Variants in PRUNE2 observed in about 807,000 individuals in gnomAD.
PRUNE2 encodes the protein protein prune homolog 2.
PRUNE2 carries 164 observed loss-of-function variants against 252.0 expected under a neutral mutation model. That is an observed-to-expected ratio of 0.65 (90% CI 0.57 to 0.74). The LOEUF is 0.74. Ranked by LOEUF, PRUNE2 falls within the 30% of genes least tolerant of loss-of-function variation. The probability of loss-of-function intolerance (pLI) is 0.00; values close to 1 mark genes in which losing one functional copy is unlikely to be tolerated. For missense variants in PRUNE2, 3,495 were observed against 3,711.0 expected, an observed-to-expected ratio of 0.94 and a Z score of 1.51; for synonymous variants, 1,292 against 1,350.2, an observed-to-expected ratio of 0.96 and a Z score of 0.94.
At chr9:76,881,209 A>T (rs575431615) in intron 1 of PRUNE2, among the ~76,000 whole-genome samples, 3 of 151,842 alleles carry the variant, frequency 2.0e-5, no homozygotes, top group Non-Finnish European at 2.9e-5. Context: ...CTCGTGATCC[A>T]CCCGCCTTGG....
chr9:76,686,454 ATTTTTG>A (rs994939286), intron 9 of PRUNE2, among the ~76,000 whole-genome samples: 3 of 151,944 alleles, frequency 2.0e-5, no homozygotes, highest in Non-Finnish European at 4.4e-5. Flanking sequence ...TTTTGTTTTT[ATTTTTG>A]TTTTTATTTT....
At chr9:76,638,335 A>G (rs1180588690) in intron 12 of PRUNE2, 47 bp from the exon 13 acceptor site, 3 of 1,297,266 alleles carry the variant, frequency 2.3e-6, no homozygotes, top group African/African-American at 1.5e-5. Context: ...AAAGCTCTTA[A>G]CAAGGTAATA....
intron 9 of PRUNE2, among the ~76,000 whole-genome samples, chr9:76,669,621 C>T (rs768026196): frequency 2.0e-5 from 3 of 152,154 alleles, no homozygotes; most frequent in African/African-American, 7.2e-5. Context: ...TGCCCAGCCT[C>T]GAATGTTGTT....
At chr9:76,746,992 C>G (rs1274517002) in intron 6 of PRUNE2, among the ~76,000 whole-genome samples, 1 of 152,168 alleles carries the variant, frequency 6.6e-6, no homozygotes, top group Non-Finnish European at 1.5e-5. Flanking sequence ...TCATGGGAAC[C>G]CCAATTTATG....
At chr9:76,760,235 T>C (rs1298471065) in intron 6 of PRUNE2, among the ~76,000 whole-genome samples, 1 of 152,146 alleles carries the variant, frequency 6.6e-6, no homozygotes, top group Non-Finnish European at 1.5e-5. Flanking sequence ...TCCGTATATG[T>C]TTCTGAATGA....
intron 4 of PRUNE2, among the ~76,000 whole-genome samples, chr9:76,833,147 T>A (rs2058757319): frequency 1.3e-5 from 2 of 152,156 alleles, no homozygotes; most frequent in Admixed American, 1.3e-4. Context: ...TTTTATGAAT[T>A]TTATGAATCT....
chr9:76,633,203 C>A (rs369017535), intron 15 of PRUNE2, among the ~76,000 whole-genome samples: 2 of 152,216 alleles, frequency 1.3e-5, no homozygotes, highest in African/African-American at 4.8e-5. Flanking sequence ...GTCTGGGCAA[C>A]AGAGTGAAAC....
intron 6 of PRUNE2, among the ~76,000 whole-genome samples, chr9:76,803,128 G>T (rs2056677695): frequency 6.6e-6 from 1 of 152,172 alleles, no homozygotes; most frequent in Admixed American, 6.5e-5. Flanking sequence ...TGCCTTCTAA[G>T]ATGGTGAGAG....
intron 9 of PRUNE2, among the ~76,000 whole-genome samples, chr9:76,697,708 C>T (rs1432746150): frequency 6.6e-6 from 1 of 152,176 alleles, no homozygotes; most frequent in Non-Finnish European, 1.5e-5. Flanking sequence ...GTTTCATTGA[C>T]AACCACTGGG....
At chr9:76,690,394 C>T (rs890119367) in intron 9 of PRUNE2, among the ~76,000 whole-genome samples, 3 of 152,200 alleles carry the variant, frequency 2.0e-5, no homozygotes, top group Non-Finnish European at 4.4e-5. Context: ...AAAAACCCAG[C>T]TTTTATTTGC....
chr9:76,833,362 A>G (rs532549151), intron 4 of PRUNE2, among the ~76,000 whole-genome samples: 1 of 152,378 alleles, frequency 6.6e-6, no homozygotes, highest in South Asian at 2.1e-4. Context: ...AGATAGACAG[A>G]TATCAAGTAG....
chr9:76,711,813 G>GA (rs1335522521), intron 7 of PRUNE2, among the ~76,000 whole-genome samples: 1 of 152,222 alleles, frequency 6.6e-6, no homozygotes, highest in Admixed American at 6.5e-5. Flanking sequence ...GATAGCTTCA[G>GA]AATGCAAAAG....
rs375373293 is a variant in PRUNE2 at position 76,705,322 on chromosome 9, C to G, written c.6952G>C (p.Asp2318His). 1 of 1,614,048 alleles carries G rather than the reference C, an allele frequency of 6.2e-7. No individual in the cohort carries two copies. Among genetic ancestry groups the G allele is most frequent in the Non-Finnish European group, 8.5e-7 (1 of 1,179,900 alleles). Reference sequence around the variant, plus strand: ...TCGGATAATGTCAGTTTACTCATGTCATCTATTGTTCCCGTGGATGTGTTG... The same window carrying G: ...TCGGATAATGTCAGTTTACTCATGTGATCTATTGTTCCCGTGGATGTGTTG... ...GLNTSTGTID[D>H]MSKLTLSEGH... The change falls in exon 8 of 19, where the codon GAC (aspartate) becomes CAC (histidine). Residue 2318 changes from aspartate to histidine, a missense_variant. By Grantham distance (81) the Asp-to-His change is moderately conservative (BLOSUM62 -1). Transcript: ENST00000376718.
At chr9:76,892,686 A>G (rs1055774910) in intron 1 of PRUNE2, among the ~76,000 whole-genome samples, 14 of 152,244 alleles carry the variant, frequency 9.2e-5, no homozygotes, top group Non-Finnish European at 2.9e-5. Flanking sequence ...AGTCCTGTGC[A>G]CAAGGAAGAA....
intron 6 of PRUNE2, among the ~76,000 whole-genome samples, chr9:76,816,163 CAAAAAA>C (rs71354684): frequency 1.2e-5 from 1 of 84,936 alleles, no homozygotes; most frequent in African/African-American, 5.0e-5. Flanking sequence ...ACTCCATCTC[CAAAAAA>C]AAAAAAAAAA....
At chr9:76,768,577 A>ATGTGTGTG (rs879821167) in intron 6 of PRUNE2, among the ~76,000 whole-genome samples, 52 of 98,180 alleles carry the variant, frequency 5.3e-4, no homozygotes, top group African/African-American at 1.6e-3. Context: ...ATATATATGT[A>ATGTGTGTG]TATGTATGTG....
chr9:76,716,910 G>A (rs1588798901), intron 6 of PRUNE2, among the ~76,000 whole-genome samples: 2 of 151,782 alleles, frequency 1.3e-5, no homozygotes, highest in East Asian at 3.9e-4. Context: ...AATATGCAGT[G>A]TTTGGTTTTC....
chr9:76,905,341 G>A (rs1163326420), intron 1 of PRUNE2, among the ~76,000 whole-genome samples: 2 of 152,174 alleles, frequency 1.3e-5, no homozygotes, highest in African/African-American at 4.8e-5. Context: ...AACAGTTAGA[G>A]CTTTCCCCTT....
At chr9:76,676,367 T>TA (rs5898499) in intron 9 of PRUNE2, among the ~76,000 whole-genome samples, 134,394 of 150,356 alleles carry the variant, frequency 0.89, 61,352 homozygotes, top group Non-Finnish European at 0.99. Context: ...TATTTCAATG[T>TA]AAAAAAAAAT....
Sources: allele counts gnomAD v4.1 joint callset (sites outside exome capture counted in the v4.1 genomes callset), GRCh38; gene constraint gnomAD v4.1.1; transcripts MANE v1.5; gene names NCBI Gene and HGNC (gene_info 2026-07-23, HGNC 2026-07-21).